Variants in THSD4 observed in about 807,000 individuals in gnomAD.
THSD4 encodes thrombospondin type 1 domain containing 4.
Under a neutral mutation model 119.0 loss-of-function variants are expected in THSD4, and 69 were observed. That is an observed-to-expected ratio of 0.58 (90% confidence interval 0.48 to 0.71). THSD4 has a LOEUF of 0.71. Among genes scored for constraint, THSD4 ranks in the 30% least tolerant of loss-of-function variants. The pLI, the probability that THSD4 is intolerant of heterozygous loss-of-function variation, is 0.00. For missense variants in THSD4, 1,393 were observed against 1,391.1 expected, an observed-to-expected ratio of 1.00 and a Z score of -0.02; for synonymous variants, 524 against 540.4, an observed-to-expected ratio of 0.97 and a Z score of 0.42.
intron 6 of THSD4, among the ~76,000 whole-genome samples, chr15:71,361,546 A>G (rs1325763226): frequency 6.6e-6 from 1 of 152,236 alleles, no homozygotes; most frequent in Admixed American, 6.5e-5. Flanking sequence ...TACATTTCCA[A>G]TGGAAGTGTA....
chr15:71,542,922 T>A (rs1250649256), intron 7 of THSD4, among the ~76,000 whole-genome samples: 1 of 150,982 alleles, frequency 6.6e-6, no homozygotes, highest in African/African-American at 2.4e-5. Context: ...AAGGATAATC[T>A]AAAAAGTACC....
intron 1 of THSD4, among the ~76,000 whole-genome samples, chr15:71,140,602 G>C (rs601176): frequency 0.18 from 27,510 of 152,072 alleles, 5,956 homozygotes; most frequent in African/African-American, 0.52. Context: ...TGAGGGTGAC[G>C]CTGCCCCAGC....
intron 6 of THSD4, among the ~76,000 whole-genome samples, chr15:71,261,793 C>G (rs949025920): frequency 8.5e-5 from 13 of 152,152 alleles, no homozygotes; most frequent in African/African-American, 3.1e-4. Flanking sequence ...ATCAGCTATC[C>G]TTTACCATGT....
chr15:71,732,093 A>T (rs901815669), intron 10 of THSD4: 3 of 152,124 alleles, frequency 2.0e-5, no homozygotes, highest in Non-Finnish European at 4.4e-5. Flanking sequence ...GACCCTTCAG[A>T]TTACACTGGG....
chr15:71,254,183 CT>C (rs2140285883), intron 5 of THSD4, among the ~76,000 whole-genome samples: 1 of 152,320 alleles, frequency 6.6e-6, no homozygotes, highest in East Asian at 1.9e-4. Context: ...ACCACTTGTG[CT>C]GGTCTGTTTC....
intron 7 of THSD4, among the ~76,000 whole-genome samples, chr15:71,574,087 C>T (rs1019306906): frequency 1.3e-5 from 2 of 152,200 alleles, no homozygotes; most frequent in South Asian, 2.1e-4. Context: ...ACTACTGTAT[C>T]GCAGTACCTC....
At chr15:71,547,270 C>T (rs760396917) in intron 7 of THSD4, 37 of 1,467,418 alleles carry the variant, frequency 2.5e-5, no homozygotes, top group Non-Finnish European at 3.2e-5. Context: ...CCGGGCAGTA[C>T]AGTGAGGGAG....
intron 3 of THSD4, among the ~76,000 whole-genome samples, chr15:71,173,441 A>ACTACG (rs1298516453): frequency 1.3e-5 from 2 of 151,956 alleles, no homozygotes; most frequent in Non-Finnish European, 2.9e-5. Context: ...AAATATCAGT[A>ACTACG]CTATGCAAAG....
intron 7 of THSD4, among the ~76,000 whole-genome samples, chr15:71,618,568 T>A (rs774214899): frequency 1.3e-5 from 2 of 152,168 alleles, no homozygotes; most frequent in Non-Finnish European, 2.9e-5. Flanking sequence ...AACAAAAGGT[T>A]CTTCAACATT....
intron 3 of THSD4, among the ~76,000 whole-genome samples, chr15:71,190,459 G>A (rs1289727142): frequency 6.6e-6 from 1 of 152,184 alleles, no homozygotes; most frequent in Non-Finnish European, 1.5e-5. Flanking sequence ...AGCATTACAG[G>A]TGATTCTAAG....
chr15:71,536,845 G>A (rs376082295), intron 7 of THSD4, among the ~76,000 whole-genome samples: 35 of 152,146 alleles, frequency 2.3e-4, no homozygotes, highest in African/African-American at 6.7e-4. Flanking sequence ...ATTCTTTTGC[G>A]TGTAGATATC....
chr15:71,742,083 A>G (rs1375882700), intron 11 of THSD4, among the ~76,000 whole-genome samples: 1 of 152,232 alleles, frequency 6.6e-6, no homozygotes, highest in African/African-American at 2.4e-5. Flanking sequence ...GGCATTGTCC[A>G]AGTCACTTAT....
intron 6 of THSD4, among the ~76,000 whole-genome samples, chr15:71,306,083 A>C (rs2140343196): frequency 6.6e-6 from 1 of 152,246 alleles, no homozygotes; most frequent in South Asian, 2.1e-4. Context: ...TGAGGTGGGC[A>C]GATCACGAGG....
intron 7 of THSD4, among the ~76,000 whole-genome samples, chr15:71,473,114 T>C (rs2140645210): frequency 6.7e-6 from 1 of 148,606 alleles, no homozygotes; most frequent in Middle Eastern, 3.5e-3. Flanking sequence ...TGGAGTACAA[T>C]GGTGTGATCC....
At chr15:71,135,132 C>A (rs2040537297) in intron 1 of THSD4, among the ~76,000 whole-genome samples, 1 of 139,476 alleles carries the variant, frequency 7.2e-6, no homozygotes, top group Non-Finnish European at 1.5e-5. Flanking sequence ...AAACCAAACA[C>A]CGCATATTCT....
At chr15:71,392,662 T>C (rs371556586) in intron 6 of THSD4, among the ~76,000 whole-genome samples, 5 of 152,244 alleles carry the variant, frequency 3.3e-5, no homozygotes, top group African/African-American at 1.2e-4. Flanking sequence ...GGAACCATAA[T>C]GCTGGCAGCA....
chr15:71,566,743 T>G (rs2049247962), intron 7 of THSD4, among the ~76,000 whole-genome samples: 1 of 144,136 alleles, frequency 6.9e-6, no homozygotes, highest in Non-Finnish European at 1.5e-5. Flanking sequence ...CCCCCCCTCT[T>G]TCCCCCTGCT....
chr15:71,284,476 T>C (rs1002874324), intron 6 of THSD4, among the ~76,000 whole-genome samples: 1 of 152,162 alleles, frequency 6.6e-6, no homozygotes, highest in Admixed American at 6.5e-5. Flanking sequence ...GAATTACATA[T>C]AGGAATTTCG....
intron 7 of THSD4, among the ~76,000 whole-genome samples, chr15:71,595,327 G>A (rs572540060): frequency 5.9e-5 from 9 of 152,280 alleles, no homozygotes; most frequent in Non-Finnish European, 8.8e-5. Context: ...GGAGGGACCC[G>A]GCAGGAGGTA....
Sources: allele counts gnomAD v4.1 joint callset (sites outside exome capture counted in the v4.1 genomes callset), GRCh38; gene constraint gnomAD v4.1.1; transcripts MANE v1.5; gene names NCBI Gene and HGNC (gene_info 2026-07-23, HGNC 2026-07-21).